MYBPC2: variants seen among roughly 807,000 people sequenced by gnomAD.
The protein encoded by MYBPC2 is myosin-binding protein C, fast-type.
Under a neutral mutation model 137.0 loss-of-function variants are expected in MYBPC2, and 122 were observed. That is an observed-to-expected ratio of 0.89 (90% CI 0.77 to 1.03). The LOEUF (loss-of-function observed/expected upper bound fraction) is 1.03, where lower values mean the gene tolerates loss of function less well. MYBPC2 is among the 50% of genes least tolerant of loss of function. The pLI, the probability that MYBPC2 is intolerant of heterozygous loss-of-function variation, is 0.00. For synonymous variants in MYBPC2, 626 were observed against 612.3 expected (o/e 1.02, Z -0.33); for missense variants, 1,500 against 1,534.4 (o/e 0.98, Z 0.37).
chr19:50,451,432 A>T, intron 15 of MYBPC2, 123 bp downstream of exon 15: 1 of 289,004 alleles, frequency 3.5e-6, no homozygotes, highest in Non-Finnish European at 6.0e-6. Context: ...CGGGAGGATG[A>T]GTGGGGAGAG....
At chr19:50,447,679 G>A (rs1465035590) in intron 12 of MYBPC2, among the ~76,000 whole-genome samples, 1 of 152,032 alleles carries the variant, frequency 6.6e-6, no homozygotes, top group African/African-American at 2.4e-5. Flanking sequence ...TCAACATGGT[G>A]AAACCCCATC....
chr19:50,448,171 G>T, intron 12 of MYBPC2, 54 bp from the exon 13 acceptor site: 1 of 1,556,436 alleles, frequency 6.4e-7, no homozygotes, highest in Non-Finnish European at 8.7e-7. Flanking sequence ...GCTCACAAGT[G>T]TCTGTGCACT....
At chr19:50,438,847 C>G (rs542658374) in intron 7 of MYBPC2, among the ~76,000 whole-genome samples, 20 of 152,148 alleles carry the variant, frequency 1.3e-4, no homozygotes, top group African/African-American at 4.6e-4. Context: ...GTCTGGGCAA[C>G]AGAGTGAGAC....
chr19:50,448,366 G>A lies in MYBPC2; in HGVS notation c.1448G>A (p.Arg483Lys), dbSNP rs2039825645. Residue 483 changes from arginine to lysine, a missense_variant, in exon 13 of 28, where the codon AGG (arginine) becomes AAG (lysine). Transcript: ENST00000357701. ...KNGVEVRPSK[R>K]ITISHVGRFH... ...GGGGTCGAGGTGCGGCCCAGCAAGA[G>A]GATCACCATTTCCCATGTAGGCAGG... 1 of 1,613,596 alleles carries A rather than the reference G, an allele frequency of 6.2e-7. No individual in the cohort carries two copies.
intron 5 of MYBPC2, 118 bp downstream of exon 5, chr19:50,436,852 G>A: frequency 1.2e-6 from 1 of 863,242 alleles, no homozygotes; most frequent in Non-Finnish European, 1.8e-6. Context: ...ACAGGTTTTT[G>A]GAGGAGGGAG....
chr19:50,459,042 C>A, intron 22 of MYBPC2, 36 bp downstream of exon 22: 1 of 1,575,998 alleles, frequency 6.3e-7, no homozygotes, highest in South Asian at 1.2e-5. Context: ...GGGGTCCGCT[C>A]TCGCCGCAAG....
chr19:50,442,111 G>C (rs1248749046), intron 8 of MYBPC2, 70 bp from the exon 9 acceptor site: 2 of 1,517,100 alleles, frequency 1.3e-6, no homozygotes, highest in African/African-American at 1.4e-5. Context: ...GGGAGATGTG[G>C]TGCCTCTGGG....
At chr19:50,461,732 C>T (rs1255465616) in intron 25 of MYBPC2, 31 bp downstream of exon 25, 1 of 1,611,618 alleles carries the variant, frequency 6.2e-7, no homozygotes, top group African/African-American at 1.3e-5. Context: ...AGCCCAGGCC[C>T]ACCCCGTCCA....
rs542425461 is a variant in MYBPC2, at chr19:50,451,032, G to C, written c.1579+97G>C. The C allele has an allele frequency of 2.7e-4, 318 of 1,177,430 alleles. 2 individuals carry two copies. In the South Asian group the frequency reaches 4.1e-3, roughly 15 times the overall value. The allele number at this position is 1,177,430 out of a possible 1,614,324, so 72.9% of individuals were successfully genotyped here. A position where few individuals can be genotyped will look rare whatever the true frequency, so the allele number is the denominator to read the frequency against. On this transcript the variant is annotated intron_variant, in intron 14 of 27. Coordinates refer to ENST00000357701, the MANE Select transcript of MYBPC2 (RefSeq NM_004533.4). ...CCTCTCCAGGATTAAGGTTCCCCGA[G>C]TGCGAATGAGGACGACAGCAAGCGT... is the stretch of plus-strand genomic sequence containing the variant.
Position 50,455,294 on chromosome 19 carries a change from T to C in MYBPC2, c.2201T>C (p.Ile734Thr). Residue 734 changes from isoleucine to threonine, a missense_variant and splice_region_variant, in exon 19 of 28, where the codon ATT (isoleucine) becomes ACT (threonine). Ile to Thr is a moderately conservative substitution (Grantham distance 89, BLOSUM62 -1). Coordinates refer to ENST00000357701, the MANE Select transcript of MYBPC2 (RefSeq NM_004533.4). ...ATGAACACCAAGCCTTTTATGCCTA[T>C]TGGTAATGTCCTCCCTCACTTTTAT... ...PSMNTKPFMP[I>T]APTSEPLHLI... is the part of the protein sequence containing the mutation. 1 of 1,612,918 alleles carries C rather than the reference T, an allele frequency of 6.2e-7. No homozygotes were observed. The highest frequency in any genetic ancestry group is 8.5e-7 in the Non-Finnish European group (1 of 1,179,072).
rs762507182 is a variant in MYBPC2, at chr19:50,454,107, G to A, written c.1837G>A (p.Glu613Lys). ...GATTGAGAGTGCGCAGCGGGAAGAC[G>A]AGGGCCGCTACACCATCAAGGTCAC... ...FVIESAQRED[E>K]GRYTIKVTNP... is the part of the protein sequence containing the mutation. The change falls in exon 17 of 28, where the codon GAG (glutamate) becomes AAG (lysine). Residue 613 changes from glutamate (E) to lysine (K), a missense_variant. By Grantham distance (56) the Glu-to-Lys change is moderately conservative. Coordinates refer to ENST00000357701, the MANE Select transcript of MYBPC2 (RefSeq NM_004533.4). 22 of 1,612,570 alleles carry A rather than the reference G, an allele frequency of 1.4e-5. No individual in the cohort carries two copies. The highest frequency in any genetic ancestry group is 1.6e-4 in the Middle Eastern group (1 of 6,082).
At chr19:50,461,861 C>A in intron 25 of MYBPC2, 39 bp from the exon 26 acceptor site, 4 of 1,583,510 alleles carry the variant, frequency 2.5e-6, no homozygotes, top group Middle Eastern at 1.7e-4. Context: ...AGGGGAGAAT[C>A]TAGATCAGTC....
At chr19:50,452,484 G>A (rs574371815) in intron 16 of MYBPC2, among the ~76,000 whole-genome samples, 1 of 99,506 alleles carries the variant, frequency 1.0e-5, no homozygotes, top group Non-Finnish European at 2.1e-5. Context: ...ATGTATGTAT[G>A]TATGTATGTA....
At chr19:50,438,454 A>ATGAATGG (rs2039723537) in intron 7 of MYBPC2, among the ~76,000 whole-genome samples, 1 of 152,094 alleles carries the variant, frequency 6.6e-6, no homozygotes. Context: ...CGATGAATGG[A>ATGAATGG]TGGGTTCATG....
At chr19:50,433,550 C>A (rs561537118) in intron 1 of MYBPC2, among the ~76,000 whole-genome samples, 24 of 152,072 alleles carry the variant, frequency 1.6e-4, no homozygotes, top group African/African-American at 5.1e-4. Context: ...GCCTGCGCCA[C>A]CATGCCTGGC....
At position 50,434,296 on chromosome 19, in the gene MYBPC2, G is replaced by A. The variant is rs184522709; in HGVS notation, c.20-865G>A. On this transcript the variant is annotated intron_variant, in intron 1 of 27. Coordinates refer to ENST00000357701, the MANE Select transcript of MYBPC2 (RefSeq NM_004533.4). ...CACTTGAGCCCAGGAGACGGAGGTT[G>A]CAGTGAGCCCAAATCTTGCCACTGC... Among the ~76,000 whole-genome samples, 8 of 152,286 alleles carry A rather than the reference G, an allele frequency of 5.3e-5. No homozygotes were observed. The East Asian group carries it at 1.4e-3, about 26-fold the overall frequency.
intron 21 of MYBPC2, 68 bp downstream of exon 21, chr19:50,458,822 C>G: frequency 6.3e-7 from 1 of 1,597,878 alleles, no homozygotes; most frequent in Non-Finnish European, 8.5e-7. Flanking sequence ...CTTTCCGTGT[C>G]GTCGACAGGA....
intron 24 of MYBPC2, 94 bp from the exon 25 acceptor site, chr19:50,461,448 T>C: frequency 7.6e-7 from 1 of 1,320,516 alleles, no homozygotes; most frequent in Non-Finnish European, 1.0e-6. Context: ...ACACTGGATG[T>C]GCTTTTCTCA....
rs1426196403 is a variant in MYBPC2 at position 50,466,320 on chromosome 19, G to A, written c.*115G>A. 4 of 1,427,588 alleles carry A rather than the reference G, an allele frequency of 2.8e-6. No individual in the cohort carries two copies. The highest frequency in any genetic ancestry group is 3.9e-6 in the Non-Finnish European group (4 of 1,030,412). 88.4% of individuals were successfully genotyped at this position (1,427,588 alleles called of 1,614,324 possible). ...GCTGAGAACAAAACAGTGTTGTCTG[G>A]ACCCTGGAGTGTCTGTCCTTCTTGA... On this transcript the variant is annotated 3_prime_UTR_variant, in exon 28 of 28. Transcript: ENST00000357701. The surrounding 1 kb of genome is among the most constrained non-coding windows in gnomAD (Gnocchi z 4.9).
Sources: gnomAD v4.1 joint callset for allele counts (sites outside exome capture counted in the v4.1 genomes callset) on GRCh38, gnomAD v4.1.1 for gene constraint, Gnocchi (gnomAD v3.1) non-coding constraint, MANE v1.5 for transcripts, NCBI Gene and HGNC (gene_info 2026-07-23, HGNC 2026-07-21) for gene names.